The following DAB2IP variants were observed in gnomAD, a reference collection of about 807,000 sequenced individuals.
The protein encoded by DAB2IP is disabled homolog 2-interacting protein.
DAB2IP carries 28 observed loss-of-function variants against 107.2 expected under a neutral mutation model. That is an observed-to-expected ratio of 0.26 (90% CI 0.19 to 0.36). The LOEUF (loss-of-function observed/expected upper bound fraction) is 0.36. Among genes scored for constraint, DAB2IP ranks in the 10% least tolerant of loss-of-function variants. The pLI is 1.00. For missense variants in DAB2IP, 1,400 were observed against 1,644.7 expected (o/e 0.85, Z 2.57); for synonymous variants, 755 against 706.4 (o/e 1.07, Z -1.09).
intron 4 of DAB2IP, among the ~76,000 whole-genome samples, chr9:121,758,250 G>A (rs1833633684): frequency 6.6e-6 from 1 of 152,226 alleles, no homozygotes; most frequent in Non-Finnish European, 1.5e-5. Context: ...GGCAGGAGAT[G>A]TCTAAGCTGG....
chr9:121,626,666 C>T lies in DAB2IP; in HGVS notation c.41-52012C>T, dbSNP rs56970195. On this transcript the variant is annotated intron_variant, in intron 1 of 16. Coordinates refer to the DAB2IP transcript ENST00000259371. The stretch of plus-strand genomic sequence containing the variant: ...CTCAAACTCCTGATCTCAGGTGATC[C>T]GCCTGCCTCAGCCTCCCAAAGTGCT... Among the ~76,000 whole-genome samples the T allele has an allele frequency of 3.7e-3, 559 of 152,048 alleles. 9 individuals carry two copies. The highest frequency in any genetic ancestry group is 0.013 in the African/African-American group (533 of 41,444).
Position 121,736,711 on chromosome 9 carries a change from C to G in DAB2IP, c.363-20302C>G, listed in dbSNP as rs1831953250. Among the ~76,000 whole-genome samples the G allele has an allele frequency of 6.6e-6, 1 of 152,230 alleles. No individual in the cohort carries two copies. Among genetic ancestry groups the G allele is most frequent in the Non-Finnish European group, 1.5e-5 (1 of 68,036 alleles). ...CCCAAATCTTTTGGTTCCCCCGCTC[C>G]TGCCTTCCACTGCTCTGGCTGACCT... On this transcript the variant is annotated intron_variant, in intron 3 of 15. Transcript: ENST00000408936. The surrounding 1 kb of genome is among the most constrained non-coding windows in gnomAD (Gnocchi z 4.6).
intron 1 of DAB2IP, among the ~76,000 whole-genome samples, chr9:121,657,594 G>T (rs1253017936): frequency 6.6e-6 from 1 of 152,158 alleles, no homozygotes; most frequent in African/African-American, 2.4e-5. Flanking sequence ...TCCTGTCGGG[G>T]TGGTGAAATA....
chr9:121,779,861 G>C (rs1779826330), intron 14 of DAB2IP, among the ~76,000 whole-genome samples: 1 of 152,122 alleles, frequency 6.6e-6, no homozygotes, highest in Non-Finnish European at 1.5e-5. Context: ...CTCCTCTCTG[G>C]CTTCTGCCCT....
intron 3 of DAB2IP, among the ~76,000 whole-genome samples, chr9:121,752,335 G>A (rs1308372779): frequency 6.6e-6 from 1 of 151,906 alleles, no homozygotes; most frequent in Non-Finnish European, 1.5e-5. Context: ...CTGACCTCCC[G>A]TTCCCTCTGA....
chr9:121,679,604 T>C (rs1269895726), intron 2 of DAB2IP, among the ~76,000 whole-genome samples: 1 of 152,048 alleles, frequency 6.6e-6, no homozygotes, highest in Non-Finnish European at 1.5e-5. Context: ...GGATGTTGGA[T>C]GGTTTGTTCA....
intron 5 of DAB2IP, among the ~76,000 whole-genome samples, chr9:121,759,360 C>G (rs1833722598): frequency 6.6e-6 from 1 of 152,160 alleles, no homozygotes; most frequent in African/African-American, 2.4e-5. Flanking sequence ...GTGAGGACCC[C>G]TGTCCCAGGC....
chr9:121,784,246 C>G (rs1175493188), exon 16 of DAB2IP: 1 of 154,262 alleles, frequency 6.5e-6, no homozygotes, highest in Non-Finnish European at 1.4e-5. Context: ...TCCTGTCTCA[C>G]TCTTCTGTCT....
At position 121,577,061 on chromosome 9, in the gene DAB2IP, A is replaced by G. The variant is rs372825320; in HGVS notation, c.40+9833A>G. Among the ~76,000 whole-genome samples the G allele has an allele frequency of 2.2e-3, 337 of 152,232 alleles. 1 individual carries two copies. The highest frequency in any genetic ancestry group is 7.9e-3 in the African/African-American group (326 of 41,526). On this transcript the variant is annotated intron_variant, in intron 1 of 16. Coordinates refer to the DAB2IP transcript ENST00000259371. ...ACCATTACTCGCCTCTGGTCTGAGG[A>G]CATCTCTCGGGCTCTGCCTTAGAAC... is the stretch of plus-strand genomic sequence containing the variant.
chr9:121,769,364 C>T (rs1834531254), intron 10 of DAB2IP, among the ~76,000 whole-genome samples: 1 of 151,986 alleles, frequency 6.6e-6, no homozygotes, highest in South Asian at 2.1e-4. Flanking sequence ...TAAGCGCACA[C>T]ACACATGCAG....
chr9:121,724,151 A>G (rs1007347932), intron 3 of DAB2IP, among the ~76,000 whole-genome samples: 2 of 151,674 alleles, frequency 1.3e-5, no homozygotes, highest in Non-Finnish European at 1.5e-5. Flanking sequence ...TCCCCACTGG[A>G]CCCTGCACCG....
exon 4 of DAB2IP, chr9:121,757,072 G>T (rs370182641): frequency 2.9e-5 from 47 of 1,614,100 alleles, no homozygotes; most frequent in Non-Finnish European, 4.0e-5. Context: ...CTCAGCCCCA[G>T]CAGTGCGGTG....
At position 121,782,844 on chromosome 9, in the gene DAB2IP, T is replaced by TCCCC; in HGVS notation, c.*349_*352dup. ...TCCTGGATCTGGCCGAGTGCATGTG[T>TCCCC]CCCCCCACACCTGTGCCAGGGAGGG... is the stretch of plus-strand genomic sequence containing the variant. On this transcript the variant is annotated 3_prime_UTR_variant, in exon 16 of 16. Coordinates refer to ENST00000408936, the Ensembl canonical transcript of DAB2IP. The surrounding 1 kb of genome is among the most constrained non-coding windows in gnomAD (Gnocchi z 6.1). 5 of 1,093,694 alleles carry TCCCC rather than the reference T, an allele frequency of 4.6e-6. No individual in the cohort carries two copies. The highest frequency in any genetic ancestry group is 5.6e-6 in the Non-Finnish European group (5 of 897,366). 67.7% of individuals were successfully genotyped at this position (1,093,694 alleles called of 1,614,324 possible).
intron 1 of DAB2IP, 143 bp from the exon 2 acceptor site, chr9:121,678,535 C>A: frequency 1.8e-6 from 1 of 557,368 alleles, no homozygotes; most frequent in Non-Finnish European, 2.8e-6. Context: ...TTTGGAGGAA[C>A]TGCCAGACTT....
At chr9:121,616,012 A>G (rs1831263830) in intron 1 of DAB2IP, among the ~76,000 whole-genome samples, 10 of 152,144 alleles carry the variant, frequency 6.6e-5, no homozygotes. Flanking sequence ...CCCTGGGCCC[A>G]TGTGTAACAG....
chr9:121,700,067 T>C (rs1392313273), intron 3 of DAB2IP, among the ~76,000 whole-genome samples: 1 of 152,166 alleles, frequency 6.6e-6, no homozygotes, highest in Non-Finnish European at 1.5e-5. Flanking sequence ...AGCCTGAGGC[T>C]GGGGAGCCAG....
chr9:121,678,692 A>G, exon 2 of DAB2IP: 1 of 1,573,372 alleles, frequency 6.4e-7, no homozygotes, highest in Middle Eastern at 1.7e-4. Flanking sequence ...GCCTCAAGAA[A>G]GGCCGGGCTC....
At chr9:121,590,985 G>A (rs1830413130) in intron 1 of DAB2IP, among the ~76,000 whole-genome samples, 1 of 152,236 alleles carries the variant, frequency 6.6e-6, no homozygotes, top group Non-Finnish European at 1.5e-5. Flanking sequence ...GGCCAGGGAA[G>A]CCTTCCCTGA....
intron 1 of DAB2IP, among the ~76,000 whole-genome samples, chr9:121,589,067 A>C (rs1830369867): frequency 6.7e-6 from 1 of 149,900 alleles, no homozygotes; most frequent in African/African-American, 2.5e-5. Context: ...CCTGCCTCCT[A>C]CTCACTCCCC....
Sources: gnomAD v4.1 joint callset for allele counts (sites outside exome capture counted in the v4.1 genomes callset) on GRCh38, gnomAD v4.1.1 for gene constraint, Gnocchi (gnomAD v3.1) non-coding constraint, MANE v1.5 for transcripts, NCBI Gene and HGNC (gene_info 2026-07-23, HGNC 2026-07-21) for gene names.